Variants in IL1RAPL2 observed in about 807,000 individuals in gnomAD.
IL1RAPL2 encodes the protein interleukin 1 receptor accessory protein like 2, also known as X-linked interleukin-1 receptor accessory protein-like 2.
IL1RAPL2 carries 3 observed loss-of-function variants against 44.1 expected under a neutral mutation model. The observed-to-expected ratio is 0.07, with a 90% CI of 0.03 to 0.18. IL1RAPL2 has a LOEUF of 0.18. Ranked by LOEUF, IL1RAPL2 falls within the 10% of genes least tolerant of loss-of-function variation. IL1RAPL2 has a pLI of 1.00. For synonymous variants in IL1RAPL2, 181 were observed against 178.8 expected (o/e 1.01, Z -0.10); for missense variants, 391 against 496.4 (o/e 0.79, Z 2.02).
chrX:105,267,632 C>T, intron 5 of IL1RAPL2, 91 bp downstream of exon 5: 1 of 688,134 alleles, frequency 1.5e-6, no homozygotes, highest in Non-Finnish European at 2.2e-6. Context: ...AGTCAACTTT[C>T]TGTGAATTTA....
intron 6 of IL1RAPL2, among the ~76,000 whole-genome samples, chrX:105,555,083 T>G (rs1356847740): frequency 9.1e-6 from 1 of 109,781 alleles, no homozygotes; most frequent in Non-Finnish European, 1.9e-5. Flanking sequence ...GTTGTTTTTT[T>G]TTTTTTTTTT....
At chrX:104,709,940 G>T (rs1931428951) in intron 2 of IL1RAPL2, among the ~76,000 whole-genome samples, 1 of 110,400 alleles carries the variant, frequency 9.1e-6, no homozygotes. Flanking sequence ...AAGCAGTGAG[G>T]TACCATTTCA....
intron 5 of IL1RAPL2, among the ~76,000 whole-genome samples, chrX:105,285,317 A>G (rs1354866537): frequency 8.9e-6 from 1 of 112,018 alleles, no homozygotes; most frequent in Non-Finnish European, 1.9e-5. Context: ...AAGATACTTG[A>G]GAAATAGCCA....
intron 2 of IL1RAPL2, among the ~76,000 whole-genome samples, chrX:105,076,719 G>T (rs1015642900): frequency 2.7e-5 from 3 of 111,467 alleles, no homozygotes; most frequent in African/African-American, 9.8e-5. Context: ...TTATGAATCT[G>T]GGTGCTCCAG....
At chrX:105,663,587 C>A (rs2147848550) in intron 6 of IL1RAPL2, among the ~76,000 whole-genome samples, 1 of 111,613 alleles carries the variant, frequency 9.0e-6, no homozygotes, top group South Asian at 3.8e-4. Flanking sequence ...TTCCTCTCTC[C>A]CGTAAATTGA....
chrX:105,273,794 C>A (rs1177538160), intron 5 of IL1RAPL2, among the ~76,000 whole-genome samples: 4 of 111,963 alleles, frequency 3.6e-5, no homozygotes, highest in Admixed American at 9.5e-5. Flanking sequence ...ATATGCTTTT[C>A]TCCAATTATT....
At chrX:104,670,501 GAAAC>G (rs2148027791) in intron 2 of IL1RAPL2, among the ~76,000 whole-genome samples, 1 of 111,289 alleles carries the variant, frequency 9.0e-6, no homozygotes, top group Admixed American at 9.5e-5. Flanking sequence ...GACACACCCA[GAAAC>G]AAGTACTTTA....
intron 2 of IL1RAPL2, among the ~76,000 whole-genome samples, chrX:105,194,029 AAAAG>A (rs1569401072): frequency 1.8e-5 from 2 of 111,732 alleles, no homozygotes; most frequent in South Asian, 3.7e-4. Flanking sequence ...AATCTGAAAA[AAAAG>A]GGCTATGGAA....
At chrX:105,287,287 G>A (rs1264481919) in intron 5 of IL1RAPL2, among the ~76,000 whole-genome samples, 1 of 111,426 alleles carries the variant, frequency 9.0e-6, no homozygotes, top group African/African-American at 3.3e-5. Flanking sequence ...TGGGACAAAA[G>A]GGTCAGCATG....
intron 1 of IL1RAPL2, chrX:104,647,877 A>G (rs1315786962): frequency 4.8e-6 from 3 of 626,197 alleles, no homozygotes; most frequent in Non-Finnish European, 8.0e-6. Flanking sequence ...ACTCCACAGA[A>G]TCGGTCAAAG....
intron 1 of IL1RAPL2, chrX:104,647,960 A>T (rs890589713): frequency 2.2e-5 from 18 of 821,194 alleles, no homozygotes; most frequent in Non-Finnish European, 3.2e-5. Flanking sequence ...AGCTAAGGCC[A>T]GGCCAAACTT....
intron 5 of IL1RAPL2, among the ~76,000 whole-genome samples, chrX:105,376,008 A>G (rs1185036759): frequency 1.8e-5 from 2 of 111,858 alleles, no homozygotes; most frequent in Admixed American, 1.9e-4. Context: ...GCTTGGCTCA[A>G]TTCTTACATT....
chrX:105,100,285 A>G (rs1232801352), intron 2 of IL1RAPL2, among the ~76,000 whole-genome samples: 1 of 111,740 alleles, frequency 8.9e-6, no homozygotes, highest in African/African-American at 3.3e-5. Flanking sequence ...GAACTACTGT[A>G]CCTTGTCTAG....
At chrX:105,139,436 TC>T (rs1484838666) in intron 2 of IL1RAPL2, among the ~76,000 whole-genome samples, 1 of 111,565 alleles carries the variant, frequency 9.0e-6, no homozygotes, top group Non-Finnish European at 1.9e-5. Context: ...TTGAAGAGGG[TC>T]TGAAATGCCA....
chrX:105,110,380 C>T (rs2032789004), intron 2 of IL1RAPL2, among the ~76,000 whole-genome samples: 1 of 112,099 alleles, frequency 8.9e-6, no homozygotes, highest in African/African-American at 3.2e-5. Flanking sequence ...GCTGTTACCT[C>T]TGAAGTCAGC....
chrX:105,180,939 T>G (rs1406338988), intron 2 of IL1RAPL2, among the ~76,000 whole-genome samples: 1 of 110,844 alleles, frequency 9.0e-6, no homozygotes, highest in African/African-American at 3.3e-5. Flanking sequence ...TTGATACAAT[T>G]CAGCTGCAAA....
intron 2 of IL1RAPL2, among the ~76,000 whole-genome samples, chrX:104,726,099 A>C (rs779464352): frequency 4.5e-5 from 5 of 111,631 alleles, no homozygotes; most frequent in Non-Finnish European, 7.5e-5. Flanking sequence ...AGTTTTTTAC[A>C]TATGGCTAGC....
intron 5 of IL1RAPL2, among the ~76,000 whole-genome samples, chrX:105,343,611 A>G (rs1462855819): frequency 8.9e-6 from 1 of 111,926 alleles, no homozygotes. Flanking sequence ...ATTTGGTGGC[A>G]TGTACCCCCA....
intron 7 of IL1RAPL2, among the ~76,000 whole-genome samples, chrX:105,729,497 T>TTTGA (rs945059369): frequency 1.8e-5 from 2 of 111,437 alleles, no homozygotes; most frequent in African/African-American, 6.5e-5. Context: ...GTGTATCTTC[T>TTTGA]TTGATTAGGT....
Sources: gnomAD v4.1 joint callset for allele counts (sites outside exome capture counted in the v4.1 genomes callset) on GRCh38, gnomAD v4.1.1 for gene constraint, MANE v1.5 for transcripts, NCBI Gene and HGNC (gene_info 2026-07-23, HGNC 2026-07-21) for gene names.